Variants in ARFGEF1 observed in about 807,000 individuals in gnomAD.
The protein encoded by ARFGEF1 is brefeldin A-inhibited guanine nucleotide-exchange protein 1.
Under a neutral mutation model 231.0 loss-of-function variants are expected in ARFGEF1, and 42 were observed. That is an observed-to-expected ratio of 0.18 (90% CI 0.14 to 0.24). The LOEUF (loss-of-function observed/expected upper bound fraction) is 0.24. Among genes scored for constraint, ARFGEF1 ranks in the 10% least tolerant of loss-of-function variants. The pLI, the probability that ARFGEF1 is intolerant of heterozygous loss-of-function variation, is 1.00. For missense variants in ARFGEF1, 1,345 were observed against 2,192.0 expected (o/e 0.61, Z 7.72); for synonymous variants, 710 against 732.3 (o/e 0.97, Z 0.49).
chr8:67,239,561 CTTTTG>C (rs1401164513), intron 20 of ARFGEF1, among the ~76,000 whole-genome samples: 1 of 151,738 alleles, frequency 6.6e-6, no homozygotes, highest in Admixed American at 6.6e-5. Context: ...TCATTAAGCA[CTTTTG>C]TTTTGATTAC....
intron 1 of ARFGEF1, among the ~76,000 whole-genome samples, chr8:67,327,630 C>T (rs1807897383): frequency 6.6e-6 from 1 of 152,132 alleles, no homozygotes; most frequent in Non-Finnish European, 1.5e-5. Flanking sequence ...CAATGACATA[C>T]TTCTAACCAC....
chr8:67,201,899 A>C (rs1204241295), intron 36 of ARFGEF1: 1 of 338,032 alleles, frequency 3.0e-6, no homozygotes, highest in African/African-American at 2.2e-5. Flanking sequence ...TGCCTGCGCC[A>C]GGGGCCTCAG....
At chr8:67,270,116 T>C (rs979432796) in intron 10 of ARFGEF1, among the ~76,000 whole-genome samples, 47 of 152,190 alleles carry the variant, frequency 3.1e-4, no homozygotes, top group African/African-American at 1.1e-3. Context: ...TTTTTAACTG[T>C]CTTTTATTTA....
chr8:67,317,923 C>T (rs1378230002), intron 1 of ARFGEF1, among the ~76,000 whole-genome samples: 2 of 147,086 alleles, frequency 1.4e-5, no homozygotes, highest in East Asian at 4.0e-4. Flanking sequence ...AAAAAGTCAA[C>T]CCCTGTAATC....
At chr8:67,298,105 ATT>A (rs34979732) in intron 4 of ARFGEF1, among the ~76,000 whole-genome samples, 42 of 147,906 alleles carry the variant, frequency 2.8e-4, no homozygotes, top group Admixed American at 2.7e-4. Context: ...CATGCCCAGT[ATT>A]TTTTTTTTTT....
chr8:67,334,502 G>A (rs537919437), intron 1 of ARFGEF1, among the ~76,000 whole-genome samples: 1 of 152,266 alleles, frequency 6.6e-6, no homozygotes, highest in South Asian at 2.1e-4. Context: ...ATGTAGGCTG[G>A]AAAAGAATTT....
At chr8:67,251,754 T>G (rs1043099297) in intron 18 of ARFGEF1, among the ~76,000 whole-genome samples, 1 of 152,178 alleles carries the variant, frequency 6.6e-6, no homozygotes, top group Non-Finnish European at 1.5e-5. Context: ...GAGGTGGTAG[T>G]TGCACAACGT....
chr8:67,294,021 C>T (rs991624475), intron 5 of ARFGEF1, among the ~76,000 whole-genome samples: 26 of 151,640 alleles, frequency 1.7e-4, no homozygotes, highest in Non-Finnish European at 2.8e-4. Flanking sequence ...ATACTGATGG[C>T]GGGGGGAAAG....
intron 1 of ARFGEF1, among the ~76,000 whole-genome samples, chr8:67,338,677 T>C (rs1030932737): frequency 3.3e-5 from 5 of 152,238 alleles, no homozygotes; most frequent in African/African-American, 9.6e-5. Context: ...AAATCTGAAA[T>C]GTGAAAGAAA....
chr8:67,198,980 T>A lies in ARFGEF1; in HGVS notation c.5504A>T (p.Gln1835Leu). Residue 1835 changes from glutamine to leucine, a missense_variant, in exon 39 of 39, where the codon CAG (glutamine) becomes CTG (leucine). By Grantham distance (113) the Gln-to-Leu change is moderately radical. Around this residue, in one of 14 missense-constraint regions of ARFGEF1, gnomAD observed 161 missense variants for 284.9 expected, o/e 0.57. Coordinates refer to ENST00000262215, the MANE Select transcript of ARFGEF1 (RefSeq NM_006421.5). ...RFFLRIGVVF[Q>L]ISQPPEQELG... ...TTCCTGTTCAGGTGGTTGTGATATCTGAAAAACTACTCCGATTCGCAGAAA... is the reference window on the plus strand; with the variant it reads ...TTCCTGTTCAGGTGGTTGTGATATCAGAAAAACTACTCCGATTCGCAGAAA... 6.2e-7 allele frequency: 1 copy of A among 1,613,190 alleles called. No homozygotes were observed.
At chr8:67,311,096 G>A (rs1316451673) in intron 1 of ARFGEF1, among the ~76,000 whole-genome samples, 10 of 147,298 alleles carry the variant, frequency 6.8e-5, no homozygotes, top group South Asian at 2.2e-4. Context: ...CAGCCGCCCC[G>A]TCCGGGAGGG....
At chr8:67,293,288 C>T (rs964266286) in intron 5 of ARFGEF1, among the ~76,000 whole-genome samples, 1 of 152,050 alleles carries the variant, frequency 6.6e-6, no homozygotes, top group East Asian at 1.9e-4. Context: ...CTCAAATGTT[C>T]CTAAGATCTT....
At chr8:67,203,815 A>T (rs1838417398) in intron 35 of ARFGEF1, among the ~76,000 whole-genome samples, 1 of 152,156 alleles carries the variant, frequency 6.6e-6, no homozygotes, top group South Asian at 2.1e-4. Flanking sequence ...CTGGCAGAGG[A>T]GGTCTCTCAC....
rs776355037 is a variant in ARFGEF1 at position 67,227,439 on chromosome 8, T to C, written c.3743+8A>G. The C allele has an allele frequency of 1.7e-5, 27 of 1,611,472 alleles. No homozygotes were observed. The highest frequency in any genetic ancestry group is 2.3e-5 in the Non-Finnish European group (27 of 1,178,650). ...TCCTTCTATTAAGCAATTCAACAAA[T>C]ATAGTACCTGTTCCGTTTCATTATA... On this transcript the variant is annotated splice_region_variant and intron_variant, in intron 26 of 38. Transcript: ENST00000262215.
chr8:67,302,873 G>A (rs150594666), intron 1 of ARFGEF1, among the ~76,000 whole-genome samples: 82 of 140,024 alleles, frequency 5.9e-4, no homozygotes, highest in African/African-American at 2.0e-3. Flanking sequence ...CAAGGAGTCT[G>A]AGATCAGCCT....
intron 19 of ARFGEF1, among the ~76,000 whole-genome samples, chr8:67,243,966 G>T (rs965550088): frequency 1.3e-5 from 2 of 151,950 alleles, no homozygotes; most frequent in Non-Finnish European, 2.9e-5. Context: ...CAGGCCAGGC[G>T]TGGTGGCTCA....
intron 22 of ARFGEF1, among the ~76,000 whole-genome samples, chr8:67,236,377 T>A (rs1273106441): frequency 0.025 from 890 of 36,310 alleles, 20 homozygotes; most frequent in East Asian, 0.045. Flanking sequence ...TATATATATA[T>A]ATATATATAT....
intron 19 of ARFGEF1, among the ~76,000 whole-genome samples, chr8:67,243,679 A>T (rs959961006): frequency 6.6e-6 from 1 of 152,168 alleles, no homozygotes; most frequent in Non-Finnish European, 1.5e-5. Flanking sequence ...ACTACAATAA[A>T]CACCTAATTA....
Position 67,299,197 on chromosome 8 carries a change from T to C in ARFGEF1, c.459+12A>G. On this transcript the variant is annotated intron_variant, in intron 4 of 38. Coordinates refer to ENST00000262215, the MANE Select transcript of ARFGEF1 (RefSeq NM_006421.5). ...GATTATTAATAACAATTTTACTTTA[T>C]ATAATAATTACCTTTATTATCTGCA... 1.4e-5 allele frequency: 21 copies of C among 1,514,388 alleles called. No homozygotes were observed. The highest frequency in any genetic ancestry group is 1.8e-5 in the Non-Finnish European group (20 of 1,133,870). 93.8% of individuals were successfully genotyped at this position (1,514,388 alleles called of 1,614,324 possible). A position where few individuals can be genotyped will look rare whatever the true frequency, so the allele number is the denominator to read the frequency against.
Sources: allele counts gnomAD v4.1 joint callset (sites outside exome capture counted in the v4.1 genomes callset), GRCh38; gene constraint gnomAD v4.1.1; regional missense constraint gnomAD v4.1.1; transcripts MANE v1.5; gene names NCBI Gene and HGNC (gene_info 2026-07-23, HGNC 2026-07-21).